OR7E24: variants seen among roughly 807,000 people sequenced by gnomAD.
OR7E24 encodes olfactory receptor family 7 subfamily E member 24, also known as olfactory receptor 7E24.
For missense variants in OR7E24, 385 were observed against 410.3 expected (o/e 0.94, Z 0.53); for synonymous variants, 130 against 157.5 (o/e 0.83, Z 1.31).
the OR7E24 span, among the ~76,000 whole-genome samples, chr19:9,216,903 T>C: frequency 6.6e-6 from 1 of 152,208 alleles, no homozygotes; most frequent in Non-Finnish European, 1.5e-5. Flanking sequence ...GAACTTTTGT[T>C]TTTAACATTA....
the OR7E24 span, chr19:9,211,700 C>G: frequency 6.9e-6 from 1 of 145,416 alleles, no homozygotes; most frequent in Non-Finnish European, 1.5e-5. Flanking sequence ...AAAGATTAGC[C>G]GGGCATGGTG....
the OR7E24 span, among the ~76,000 whole-genome samples, chr19:9,230,336 C>T: frequency 5.9e-5 from 9 of 152,038 alleles, no homozygotes; most frequent in African/African-American, 1.9e-4. Flanking sequence ...TGAGCCACCG[C>T]GCCCAGCCTT....
the OR7E24 span, chr19:9,211,271 C>T: frequency 6.6e-6 from 1 of 152,280 alleles, no homozygotes. Flanking sequence ...CAGATCCTCT[C>T]CAGTCAGTCC....
At chr19:9,227,340 C>T in the OR7E24 span, among the ~76,000 whole-genome samples, 3 of 151,524 alleles carry the variant, frequency 2.0e-5, no homozygotes, top group Admixed American at 6.6e-5. Flanking sequence ...AGCTATTCTC[C>T]TGCCTCAGCC....
At chr19:9,243,144 A>G (rs1270352399), upstream of OR7E24, among the ~76,000 whole-genome samples, 1 of 152,090 alleles carries the variant, frequency 6.6e-6, no homozygotes, top group Non-Finnish European at 1.5e-5. Flanking sequence ...CCTTTTGATG[A>G]GAACTGGTAG....
chr19:9,208,381 G>A, the OR7E24 span: 2 of 152,162 alleles, frequency 1.3e-5, no homozygotes, highest in Non-Finnish European at 2.9e-5. Context: ...ACAAAAGTAT[G>A]TTGGAGTTGT....
chr19:9,225,581 A>C, the OR7E24 span, among the ~76,000 whole-genome samples: 1 of 152,190 alleles, frequency 6.6e-6, no homozygotes, highest in African/African-American at 2.4e-5. Flanking sequence ...CCTTGAGATG[A>C]CAGGCAGCAG....
chr19:9,218,727 C>T, the OR7E24 span, among the ~76,000 whole-genome samples: 1 of 152,100 alleles, frequency 6.6e-6, no homozygotes, highest in Non-Finnish European at 1.5e-5. Context: ...CTCCTGGGTT[C>T]AAGCAATTAT....
the OR7E24 span, among the ~76,000 whole-genome samples, chr19:9,221,243 G>T: frequency 1.3e-4 from 20 of 148,526 alleles, no homozygotes; most frequent in African/African-American, 4.8e-4. Context: ...CTGCACTCCA[G>T]CCTGGGTGAC....
upstream of OR7E24, among the ~76,000 whole-genome samples, chr19:9,246,216 C>T (rs1046579612): frequency 1.3e-5 from 2 of 151,228 alleles, no homozygotes; most frequent in South Asian, 2.1e-4. Context: ...ATTACAGGCA[C>T]GGGCCACCAC....
chr19:9,215,730 T>C, the OR7E24 span, among the ~76,000 whole-genome samples: 2 of 152,214 alleles, frequency 1.3e-5, no homozygotes, highest in Non-Finnish European at 2.9e-5. Context: ...ACTATTACTA[T>C]TAATCTTATT....
chr19:9,236,044 C>G, the OR7E24 span: 5 of 1,602,160 alleles, frequency 3.1e-6, no homozygotes, highest in African/African-American at 6.7e-5. Flanking sequence ...GAAGGGGGCC[C>G]TGGGGAGACT....
chr19:9,214,890 C>A, the OR7E24 span: 3 of 1,036,298 alleles, frequency 2.9e-6, no homozygotes, highest in Non-Finnish European at 2.9e-6. Flanking sequence ...TAATGAACAG[C>A]AAGTGGCAGC....
At chr19:9,247,902 A>G (rs2066135119), upstream of OR7E24, among the ~76,000 whole-genome samples, 2 of 151,986 alleles carry the variant, frequency 1.3e-5, no homozygotes, top group African/African-American at 2.4e-5. Context: ...CTGTTTGTAT[A>G]TGTTCTTTAG....
the OR7E24 span, among the ~76,000 whole-genome samples, chr19:9,238,861 T>C: frequency 2.0e-5 from 3 of 152,232 alleles, no homozygotes; most frequent in Non-Finnish European, 4.4e-5. Flanking sequence ...TTTTCCTTCT[T>C]TGTAAAGGCT....
At chr19:9,221,433 C>A in the OR7E24 span, among the ~76,000 whole-genome samples, 1 of 139,520 alleles carries the variant, frequency 7.2e-6, no homozygotes, top group Non-Finnish European at 1.5e-5. Context: ...TCGCTGCAAG[C>A]TCCGCCTCCC....
In OR7E24 at chr19:9,250,995, A is replaced by G; in HGVS notation, c.-49A>G. 2.1e-5 allele frequency: 29 copies of G among 1,370,726 alleles called. No individual in the cohort carries two copies. The highest frequency in any genetic ancestry group is 2.8e-5 in the Non-Finnish European group (29 of 1,018,088). 84.9% of individuals were successfully genotyped at this position (1,370,726 alleles called of 1,614,324 possible). A position where few individuals can be genotyped will look rare whatever the true frequency, so the allele number is the denominator to read the frequency against. The stretch of plus-strand genomic sequence containing the variant: ...ATCCTATGTGAAAACTTAATTTCTT[A>G]ATTGCTTGTATCCAAAATATAGACA... On this transcript the variant is annotated 5_prime_UTR_variant, in exon 1 of 1. Transcript: ENST00000456448.
chr19:9,247,888 T>C (rs920554164), upstream of OR7E24, among the ~76,000 whole-genome samples: 46 of 152,198 alleles, frequency 3.0e-4, no homozygotes, highest in African/African-American at 1.0e-3. Context: ...TGTATGCTCA[T>C]TGGCTGTTTG....
the OR7E24 span, chr19:9,213,557 G>T: frequency 3.7e-6 from 1 of 269,890 alleles, no homozygotes; most frequent in Non-Finnish European, 7.1e-6. Context: ...GAACAGTATG[G>T]TGGAACCCTG....
Sources: gnomAD v4.1 joint callset for allele counts (sites outside exome capture counted in the v4.1 genomes callset) on GRCh38, gnomAD v4.1.1 for gene constraint, MANE v1.5 for transcripts, NCBI Gene and HGNC (gene_info 2026-07-23, HGNC 2026-07-21) for gene names.